The following ADARB2 variants were observed in gnomAD, a reference collection of about 807,000 sequenced individuals.
The protein encoded by ADARB2 is inactive double-stranded RNA-specific editase B2.
Under a neutral mutation model 62.2 loss-of-function variants are expected in ADARB2, and 25 were observed. That is an observed-to-expected ratio of 0.40 (90% CI 0.29 to 0.56). ADARB2 has a LOEUF of 0.56. ADARB2 is among the 20% of genes least tolerant of loss of function. The pLI, the probability that ADARB2 is intolerant of heterozygous loss-of-function variation, is 0.43. For synonymous variants in ADARB2, 572 were observed against 500.8 expected, an observed-to-expected ratio of 1.14 and a Z score of -1.90; for missense variants, 1,071 against 1,077.4, an observed-to-expected ratio of 0.99 and a Z score of 0.08.
intron 1 of ADARB2, among the ~76,000 whole-genome samples, chr10:1,492,821 C>T (rs989134269): frequency 6.6e-6 from 1 of 151,992 alleles, no homozygotes; most frequent in Non-Finnish European, 1.5e-5. Flanking sequence ...GGAGGGAGAG[C>T]AGGGCTTTGT....
chr10:1,241,128 G>A (rs1830916522), intron 5 of ADARB2, among the ~76,000 whole-genome samples: 3 of 152,190 alleles, frequency 2.0e-5, no homozygotes, highest in Admixed American at 2.0e-4. Context: ...GCGTGGTGGT[G>A]AACGCCTGTA....
chr10:1,347,608 G>A (rs1832092182), intron 3 of ADARB2, among the ~76,000 whole-genome samples: 1 of 152,178 alleles, frequency 6.6e-6, no homozygotes, highest in African/African-American at 2.4e-5. Flanking sequence ...GGAGCCAGGA[G>A]GCCTCAGCCC....
chr10:1,458,107 G>A (rs1002305987), intron 1 of ADARB2, among the ~76,000 whole-genome samples: 2 of 152,146 alleles, frequency 1.3e-5, no homozygotes, highest in African/African-American at 2.4e-5. Flanking sequence ...TTTCCCAGAC[G>A]CATCGTCACA....
rs1015846911 is a variant in ADARB2, at chr10:1,716,742, A to G, written c.100+20309T>C. Reference sequence around the variant, plus strand: ...TGGAAATTTTACTTTACTCCATTACACAGTTGAAGTGGCATGCCATGGATG... The same window carrying G: ...TGGAAATTTTACTTTACTCCATTACGCAGTTGAAGTGGCATGCCATGGATG... On this transcript the variant is annotated intron_variant, in intron 1 of 9. Coordinates refer to ENST00000381312, the MANE Select transcript of ADARB2 (RefSeq NM_018702.4). Among the ~76,000 whole-genome samples the G allele has an allele frequency of 5.9e-5, 9 of 152,216 alleles. No homozygotes were observed. The East Asian group carries it at 1.7e-3, about 29-fold the overall frequency.
chr10:1,658,822 C>T (rs924407328), intron 1 of ADARB2, among the ~76,000 whole-genome samples: 12 of 152,206 alleles, frequency 7.9e-5, no homozygotes, highest in African/African-American at 2.2e-4. Context: ...GCTAGTCTCG[C>T]GGAGGCTGCT....
At chr10:1,612,227 G>A (rs1033776380) in intron 1 of ADARB2, among the ~76,000 whole-genome samples, 1 of 152,242 alleles carries the variant, frequency 6.6e-6, no homozygotes, top group South Asian at 2.1e-4. Context: ...GAGGGGCCGC[G>A]TCCTTGTGCT....
At chr10:1,722,268 A>G (rs1835102511) in intron 1 of ADARB2, among the ~76,000 whole-genome samples, 1 of 152,198 alleles carries the variant, frequency 6.6e-6, no homozygotes, top group Admixed American at 6.5e-5. Context: ...CCTGGCTATT[A>G]TTGTGCATGC....
chr10:1,562,180 C>A (rs2131986787), intron 1 of ADARB2, among the ~76,000 whole-genome samples: 1 of 152,208 alleles, frequency 6.6e-6, no homozygotes, highest in African/African-American at 2.4e-5. Context: ...CCCTCCCAAG[C>A]CCAGTCAGCT....
At chr10:1,599,894 G>C (rs568004115) in intron 1 of ADARB2, among the ~76,000 whole-genome samples, 6 of 152,182 alleles carry the variant, frequency 3.9e-5, no homozygotes, top group Admixed American at 6.5e-5. Context: ...CTCCAGGCAT[G>C]CATCACCACA....
intron 1 of ADARB2, among the ~76,000 whole-genome samples, chr10:1,442,050 C>A (rs746638175): frequency 3.3e-5 from 5 of 152,164 alleles, no homozygotes; most frequent in Non-Finnish European, 7.4e-5. Context: ...GAAATAGGAT[C>A]TTTCTCTAAC....
chr10:1,551,466 A>G (rs1304622336), intron 1 of ADARB2, among the ~76,000 whole-genome samples: 1 of 152,214 alleles, frequency 6.6e-6, no homozygotes, highest in Non-Finnish European at 1.5e-5. Context: ...GATGCAAAAG[A>G]GGCAGGCTCG....
intron 6 of ADARB2, among the ~76,000 whole-genome samples, chr10:1,220,174 GTGATGATGGTGGTGA>G (rs1463233038): frequency 4.1e-4 from 33 of 80,996 alleles, no homozygotes; most frequent in Non-Finnish European, 6.2e-4. Context: ...AATGATGGTG[GTGATGATGGTGGTGA>G]TGATGATGAT....
chr10:1,564,956 A>G (rs781482201), intron 1 of ADARB2, among the ~76,000 whole-genome samples: 2 of 152,164 alleles, frequency 1.3e-5, no homozygotes, highest in South Asian at 2.1e-4. Context: ...TCCTCCAGCG[A>G]TTCAGGCCTG....
intron 4 of ADARB2, among the ~76,000 whole-genome samples, chr10:1,257,328 C>T (rs1247078629): frequency 6.6e-6 from 1 of 152,210 alleles, no homozygotes; most frequent in Non-Finnish European, 1.5e-5. Context: ...CCCTTCTCTG[C>T]CCTCCACTGA....
chr10:1,732,328 A>AAAAAAAC (rs1554739400), intron 1 of ADARB2, among the ~76,000 whole-genome samples: 1 of 146,834 alleles, frequency 6.8e-6, no homozygotes, highest in Non-Finnish European at 1.5e-5. Context: ...AAAAAAAAAA[A>AAAAAAAC]AATTTCCTTT....
intron 3 of ADARB2, among the ~76,000 whole-genome samples, chr10:1,360,733 C>T (rs549159977): frequency 7.2e-5 from 11 of 152,314 alleles, no homozygotes; most frequent in East Asian, 3.9e-4. Flanking sequence ...GAAACCCTCG[C>T]GCTGCTCTGC....
intron 1 of ADARB2, among the ~76,000 whole-genome samples, chr10:1,542,890 C>T (rs71500142): frequency 0.018 from 1,227 of 68,252 alleles, 49 homozygotes; most frequent in East Asian, 0.12. Flanking sequence ...ATCACAGCCG[C>T]CCAGACCCCA....
chr10:1,377,527 T>TG (rs1025233379), intron 2 of ADARB2, among the ~76,000 whole-genome samples: 1 of 151,928 alleles, frequency 6.6e-6, no homozygotes, highest in African/African-American at 2.4e-5. Context: ...TGTGTGCTCC[T>TG]GGGGTGTGTG....
chr10:1,308,024 T>C (rs1423452411), intron 3 of ADARB2, among the ~76,000 whole-genome samples: 1 of 149,780 alleles, frequency 6.7e-6, no homozygotes, highest in Non-Finnish European at 1.5e-5. Flanking sequence ...GGCACATGTA[T>C]ACATATGTAA....
Sources: allele counts gnomAD v4.1 joint callset (sites outside exome capture counted in the v4.1 genomes callset), GRCh38; gene constraint gnomAD v4.1.1; transcripts MANE v1.5; gene names NCBI Gene and HGNC (gene_info 2026-07-23, HGNC 2026-07-21).